The following SHISAL1 variants were observed in gnomAD, a reference collection of about 807,000 sequenced individuals.
The protein encoded by SHISAL1 is shisa like 1.
Under a neutral mutation model 22.6 loss-of-function variants are expected in SHISAL1, and 9 were observed. That is an observed-to-expected ratio of 0.40 (90% CI 0.24 to 0.70). The LOEUF (loss-of-function observed/expected upper bound fraction) is 0.70, where lower values mean the gene tolerates loss of function less well. Among genes scored for constraint, SHISAL1 ranks in the 30% least tolerant of loss-of-function variants. The pLI, the probability that SHISAL1 is intolerant of heterozygous loss-of-function variation, is 0.39. For missense variants in SHISAL1, 246 were observed against 270.6 expected, an observed-to-expected ratio of 0.91 and a Z score of 0.64; for synonymous variants, 119 against 115.4, an observed-to-expected ratio of 1.03 and a Z score of -0.20.
intron 4 of SHISAL1, among the ~76,000 whole-genome samples, chr22:44,250,033 G>C (rs888444187): frequency 5.3e-5 from 8 of 152,176 alleles, no homozygotes; most frequent in African/African-American, 1.9e-4. Flanking sequence ...TGCAGACATA[G>C]ACGTATAATA....
chr22:44,273,946 G>A (rs1236693374), intron 4 of SHISAL1, among the ~76,000 whole-genome samples: 2 of 152,082 alleles, frequency 1.3e-5, no homozygotes, highest in South Asian at 2.1e-4. Context: ...GACTGGGCGC[G>A]GTGGCTCACG....
chr22:44,322,740 G>C, the SHISAL1 span, among the ~76,000 whole-genome samples: 1 of 152,104 alleles, frequency 6.6e-6, no homozygotes, highest in Non-Finnish European at 1.5e-5. Context: ...CCCCAGACTT[G>C]GGCCACCATC....
intron 2 of SHISAL1, among the ~76,000 whole-genome samples, chr22:44,298,491 G>C (rs1218330964): frequency 1.3e-5 from 2 of 152,378 alleles, no homozygotes; most frequent in East Asian, 3.9e-4. Flanking sequence ...TGGCCTAGCG[G>C]CAAGGGGCAG....
chr22:44,256,032 G>A (rs1210442260), intron 4 of SHISAL1, among the ~76,000 whole-genome samples: 3 of 152,198 alleles, frequency 2.0e-5, no homozygotes, highest in African/African-American at 7.2e-5. Context: ...ACAAGTAAGG[G>A]GGAATTCATG....
chr22:44,263,559 A>G (rs546570474), intron 4 of SHISAL1, among the ~76,000 whole-genome samples: 1 of 152,272 alleles, frequency 6.6e-6, no homozygotes, highest in Non-Finnish European at 1.5e-5. Context: ...GATGGAGTTG[A>G]GGGTTTTGGG....
At position 44,244,070 on chromosome 22, in the gene SHISAL1, T is replaced by G. The variant is rs1312232178; in HGVS notation, c.*5615A>C. 6.6e-6 allele frequency: 1 copy of G among 152,200 alleles called. No homozygotes were observed. Among genetic ancestry groups the G allele is most frequent in the African/African-American group, 2.4e-5 (1 of 41,440 alleles). 9.4% of individuals were successfully genotyped at this position (152,200 alleles called of 1,614,324 possible). The stretch of plus-strand genomic sequence containing the variant: ...GACACTGACCACTTGGTTATTTGAC[T>G]GTGAGGTATGCCACTAGCTTTAAAA... On this transcript the variant is annotated 3_prime_UTR_variant, in exon 5 of 5. Transcript: ENST00000381176.
At chr22:44,329,715 G>A in the SHISAL1 span, among the ~76,000 whole-genome samples, 1 of 152,214 alleles carries the variant, frequency 6.6e-6, no homozygotes, top group African/African-American at 2.4e-5. Context: ...TGCTTGCAGA[G>A]AAGTGTCCCG....
the SHISAL1 span, among the ~76,000 whole-genome samples, chr22:44,329,440 GACACAC>G: frequency 2.1e-5 from 3 of 144,980 alleles, no homozygotes; most frequent in South Asian, 2.3e-4. Flanking sequence ...GCGAGAATGG[GACACAC>G]ACACACACAC....
At chr22:44,259,610 G>A (rs932807899) in intron 4 of SHISAL1, among the ~76,000 whole-genome samples, 1 of 152,124 alleles carries the variant, frequency 6.6e-6, no homozygotes, top group African/African-American at 2.4e-5. Flanking sequence ...TGCATGGCAT[G>A]GCTGCATGTG....
At chr22:44,318,611 A>C in the SHISAL1 span, among the ~76,000 whole-genome samples, 1 of 152,180 alleles carries the variant, frequency 6.6e-6, no homozygotes, top group Non-Finnish European at 1.5e-5. Context: ...CCCCAGTTTT[A>C]CTTCGGTGGT....
At chr22:44,285,370 C>T (rs1209957446) in intron 4 of SHISAL1, 58 bp downstream of exon 4, 1 of 1,556,894 alleles carries the variant, frequency 6.4e-7, no homozygotes, top group Non-Finnish European at 8.8e-7. Flanking sequence ...GGCGTATTCT[C>T]CAAGCTCTCC....
At chr22:44,261,075 C>CA (rs1439393669) in intron 4 of SHISAL1, among the ~76,000 whole-genome samples, 1 of 53,946 alleles carries the variant, frequency 1.9e-5, no homozygotes, top group Non-Finnish European at 3.5e-5. Context: ...TGCTTCATTA[C>CA]TTTATATATA....
upstream of SHISAL1, among the ~76,000 whole-genome samples, chr22:44,315,516 C>A (rs2055552440): frequency 6.6e-6 from 1 of 152,140 alleles, no homozygotes; most frequent in African/African-American, 2.4e-5. Flanking sequence ...CCCACATACA[C>A]CTCGTCCCTT....
intron 1 of SHISAL1, 137 bp from the exon 2 acceptor site, chr22:44,301,114 G>A (rs2147302835): frequency 6.9e-6 from 4 of 578,500 alleles, no homozygotes; most frequent in South Asian, 2.2e-5. Flanking sequence ...GGGTGCGGAC[G>A]ATGGAGATGC....
intron 4 of SHISAL1, among the ~76,000 whole-genome samples, chr22:44,269,211 T>C (rs934298714): frequency 6.9e-6 from 1 of 145,788 alleles, no homozygotes; most frequent in African/African-American, 2.6e-5. Flanking sequence ...TCACAATATA[T>C]ACACACACAC....
chr22:44,290,461 G>A (rs745957841), intron 3 of SHISAL1, among the ~76,000 whole-genome samples: 7 of 151,064 alleles, frequency 4.6e-5, no homozygotes, highest in African/African-American at 9.8e-5. Flanking sequence ...CCCGGGAGGC[G>A]GAGGTTGTGG....
the SHISAL1 span, among the ~76,000 whole-genome samples, chr22:44,319,582 G>A: frequency 5.3e-5 from 8 of 152,184 alleles, no homozygotes; most frequent in African/African-American, 1.4e-4. Context: ...CCACACTCAC[G>A]ATGTCCCGGC....
intron 2 of SHISAL1, among the ~76,000 whole-genome samples, chr22:44,297,501 C>T (rs1177788191): frequency 2.6e-5 from 4 of 152,348 alleles, no homozygotes; most frequent in East Asian, 1.9e-4. Context: ...GCAGACCCTT[C>T]GTTCCTTGGT....
At chr22:44,276,007 A>G (rs2055237155) in intron 4 of SHISAL1, among the ~76,000 whole-genome samples, 1 of 152,220 alleles carries the variant, frequency 6.6e-6, no homozygotes. Flanking sequence ...GTCACAGCTG[A>G]GCACAAGAAA....
Sources: allele counts gnomAD v4.1 joint callset (sites outside exome capture counted in the v4.1 genomes callset), GRCh38; gene constraint gnomAD v4.1.1; transcripts MANE v1.5; gene names NCBI Gene and HGNC (gene_info 2026-07-23, HGNC 2026-07-21).